The following SMYD3 variants were observed in gnomAD, a reference collection of about 807,000 sequenced individuals.
SMYD3 encodes histone-lysine N-methyltransferase SMYD3.
In SMYD3, 36 loss-of-function variants were observed where a neutral mutation model predicts 57.7. The observed-to-expected ratio is 0.62, with a 90% CI of 0.48 to 0.82. The LOEUF is 0.82. SMYD3 is among the 40% of genes least tolerant of loss of function. The pLI, the probability that SMYD3 is intolerant of heterozygous loss-of-function variation, is 0.00. For missense variants in SMYD3, 515 were observed against 538.8 expected (o/e 0.96, Z 0.44); for synonymous variants, 211 against 195.0 (o/e 1.08, Z -0.68).
intron 11 of SMYD3, among the ~76,000 whole-genome samples, chr1:245,753,860 A>G (rs750970792): frequency 3.0e-4 from 45 of 152,372 alleles, no homozygotes; most frequent in Middle Eastern, 3.4e-3. Context: ...ATTCTGGTTT[A>G]ATTTCCTGCA....
chr1:246,159,684 G>A lies in SMYD3; in HGVS notation c.531+167517C>T, dbSNP rs117431691. Among the ~76,000 whole-genome samples, 83 of 152,322 alleles carry A rather than the reference G, an allele frequency of 5.4e-4. No individual in the cohort carries two copies. The East Asian group carries it at 0.014, about 25-fold the overall frequency. ...CATGGCAAGTGCGAAGTCCCTTGTG[G>A]GATAATAGGTCCAGCTTGTAAAACA... On this transcript the variant is annotated intron_variant, in intron 5 of 11. Transcript: ENST00000490107.
chr1:246,093,887 T>C (rs996831706), intron 5 of SMYD3, among the ~76,000 whole-genome samples: 1 of 152,160 alleles, frequency 6.6e-6, no homozygotes, highest in Non-Finnish European at 1.5e-5. Context: ...GCAGTCCCCT[T>C]CTTACCCGCC....
intron 1 of SMYD3, among the ~76,000 whole-genome samples, chr1:246,495,851 C>T (rs1026667759): frequency 1.3e-4 from 20 of 151,414 alleles, no homozygotes; most frequent in Admixed American, 1.3e-4. Context: ...ACTCAGAGGG[C>T]GGAGGTAGGC....
intron 5 of SMYD3, chr1:246,108,498 T>G (rs2061171232): frequency 6.6e-6 from 1 of 152,158 alleles, no homozygotes; most frequent in South Asian, 2.1e-4. Context: ...GAGTTCCGGG[T>G]GGACTATTTA....
At chr1:246,145,496 A>C (rs1447747637) in intron 5 of SMYD3, among the ~76,000 whole-genome samples, 1 of 152,214 alleles carries the variant, frequency 6.6e-6, no homozygotes, top group East Asian at 1.9e-4. Context: ...ACAAGTTTTA[A>C]AGTGCTGTTC....
intron 5 of SMYD3, among the ~76,000 whole-genome samples, chr1:246,014,446 A>G (rs553959965): frequency 6.6e-6 from 1 of 152,190 alleles, no homozygotes; most frequent in Non-Finnish European, 1.5e-5. Context: ...GGGTTTCATG[A>G]AACAGCATGA....
chr1:246,245,559 T>G (rs2063689354), intron 5 of SMYD3, among the ~76,000 whole-genome samples: 1 of 151,798 alleles, frequency 6.6e-6, no homozygotes, highest in Admixed American at 6.6e-5. Flanking sequence ...TCTCAACCCT[T>G]AAAGAGAGAA....
At chr1:245,786,946 TG>T (rs2047068352) in intron 10 of SMYD3, among the ~76,000 whole-genome samples, 1 of 152,228 alleles carries the variant, frequency 6.6e-6, no homozygotes, top group African/African-American at 2.4e-5. Flanking sequence ...TCAAAAATCC[TG>T]TCATAGAGTA....
chr1:245,843,462 A>C (rs2050500338), intron 10 of SMYD3, among the ~76,000 whole-genome samples: 1 of 152,164 alleles, frequency 6.6e-6, no homozygotes, highest in African/African-American at 2.4e-5. Context: ...GCTTTTTAGA[A>C]GTTAGCAAAT....
At chr1:246,420,445 TC>T (rs1326016383) in intron 1 of SMYD3, among the ~76,000 whole-genome samples, 3 of 152,222 alleles carry the variant, frequency 2.0e-5, no homozygotes, top group Admixed American at 1.3e-4. Flanking sequence ...CCCACTGCAG[TC>T]AATGATAATT....
intron 1 of SMYD3, among the ~76,000 whole-genome samples, chr1:246,468,869 A>C (rs189638949): frequency 6.6e-6 from 1 of 152,024 alleles, no homozygotes; most frequent in Non-Finnish European, 1.5e-5. Context: ...CTAGGTACTT[A>C]GGAGGCTAAG....
chr1:246,254,828 T>C (rs1461562163), intron 5 of SMYD3, among the ~76,000 whole-genome samples: 1 of 152,212 alleles, frequency 6.6e-6, no homozygotes, highest in East Asian at 1.9e-4. Flanking sequence ...TTTCTAATCC[T>C]TGTAAAAATG....
chr1:246,394,128 G>C (rs2066617472), intron 1 of SMYD3, among the ~76,000 whole-genome samples: 1 of 152,098 alleles, frequency 6.6e-6, no homozygotes, highest in African/African-American at 2.4e-5. Flanking sequence ...GATACTAGTA[G>C]GACAATCATG....
intron 1 of SMYD3, among the ~76,000 whole-genome samples, chr1:246,380,422 C>T (rs1380825230): frequency 1.3e-5 from 2 of 152,172 alleles, no homozygotes; most frequent in African/African-American, 2.4e-5. Context: ...TATTTCCCCC[C>T]AGAGAAAATG....
At chr1:246,295,314 G>C (rs1366888087) in intron 5 of SMYD3, among the ~76,000 whole-genome samples, 5 of 152,134 alleles carry the variant, frequency 3.3e-5, no homozygotes, top group Admixed American at 2.6e-4. Flanking sequence ...ACCCAGAAAA[G>C]GGTCTACAGT....
At chr1:246,141,392 C>T (rs1375128417) in intron 5 of SMYD3, among the ~76,000 whole-genome samples, 1 of 152,188 alleles carries the variant, frequency 6.6e-6, no homozygotes, top group East Asian at 1.9e-4. Context: ...AATGGTAAAA[C>T]AAAGACAAAC....
chr1:246,133,923 A>T (rs553802721), intron 5 of SMYD3, among the ~76,000 whole-genome samples: 1 of 152,214 alleles, frequency 6.6e-6, no homozygotes, highest in South Asian at 2.1e-4. Context: ...ATATTAAACC[A>T]CTTCCATCTT....
chr1:246,029,443 G>A (rs967297214), intron 5 of SMYD3, among the ~76,000 whole-genome samples: 3 of 151,922 alleles, frequency 2.0e-5, no homozygotes, highest in Non-Finnish European at 2.9e-5. Context: ...AGACAGAGGC[G>A]GGCAGATCAC....
chr1:246,408,907 T>C (rs1258841266), intron 1 of SMYD3, among the ~76,000 whole-genome samples: 3 of 152,192 alleles, frequency 2.0e-5, no homozygotes, highest in Non-Finnish European at 4.4e-5. Flanking sequence ...TGACCTCAAA[T>C]GATCTGCCCG....
Sources: allele counts gnomAD v4.1 joint callset (sites outside exome capture counted in the v4.1 genomes callset), GRCh38; gene constraint gnomAD v4.1.1; transcripts MANE v1.5; gene names NCBI Gene and HGNC (gene_info 2026-07-23, HGNC 2026-07-21).